The following FRMPD1 variants were observed in gnomAD, a reference collection of about 807,000 sequenced individuals.
FRMPD1 encodes the protein FERM and PDZ domain-containing protein 1.
Under a neutral mutation model 117.8 loss-of-function variants are expected in FRMPD1, and 76 were observed. That is an observed-to-expected ratio of 0.65 (90% CI 0.54 to 0.78). The LOEUF (loss-of-function observed/expected upper bound fraction) is 0.78. Ranked by LOEUF, FRMPD1 falls within the 30% of genes least tolerant of loss-of-function variation. The probability of loss-of-function intolerance (pLI) is 0.00; values close to 1 mark genes in which losing one functional copy is unlikely to be tolerated. For synonymous variants in FRMPD1, 783 were observed against 770.4 expected, an observed-to-expected ratio of 1.02 and a Z score of -0.27; for missense variants, 1,786 against 1,964.5, an observed-to-expected ratio of 0.91 and a Z score of 1.72.
In FRMPD1 at chr9:37,740,099, G is replaced by T; in HGVS notation, c.1571G>T (p.Ser524Ile). 6.2e-7 allele frequency: 1 copy of T among 1,606,390 alleles called. No individual in the cohort carries two copies. Among genetic ancestry groups the T allele is most frequent in the Non-Finnish European group, 8.5e-7 (1 of 1,176,480 alleles). ...AEEGYESRACSDSEESSEVDC... is the reference protein window; with the variant it reads ...AEEGYESRACIDSEESSEVDC... ...GCAGGCTATGAATCCAGGGCCTGCA[G>T]TGACTCAGAGGAGTCCTCTGAGGTG... Residue 524 changes from serine to isoleucine, a missense_variant, in exon 15 of 16, where the codon AGT (serine) becomes ATT (isoleucine). Physicochemically the swap from Ser to Ile is moderately radical, Grantham distance 142. Transcript: ENST00000377765. This position sits in a 1 kb window ranked among gnomAD's most constrained non-coding sequence, Gnocchi z 4.2.
Position 37,719,093 on chromosome 9 carries a change from A to G in FRMPD1, c.433A>G (p.Thr145Ala). The G allele has an allele frequency of 6.2e-7, 1 of 1,612,838 alleles. No individual in the cohort carries two copies. The highest frequency in any genetic ancestry group is 2.2e-5 in the East Asian group (1 of 44,882). Reference protein sequence around the residue: ...TSGVPKSSFLTEEKRARLKTN... With the variant: ...TSGVPKSSFLAEEKRARLKTN... ...GGGAGTCCCTAAATCGTCCTTCCTG[A>G]CCGAGGAGAAGAGAGCCAGACTGAA... is the stretch of plus-strand genomic sequence containing the variant. Residue 145 changes from threonine (T) to alanine (A), a missense_variant, in exon 6 of 16, where the codon ACC (threonine) becomes GCC (alanine). By Grantham distance (58) the Thr-to-Ala change is moderately conservative. Coordinates refer to ENST00000377765, the MANE Select transcript of FRMPD1 (RefSeq NM_014907.3).
the FRMPD1 span, among the ~76,000 whole-genome samples, chr9:37,629,140 A>C: frequency 6.6e-6 from 1 of 152,120 alleles, no homozygotes; most frequent in African/African-American, 2.4e-5. Context: ...CGGAGGTTGC[A>C]GTGAGCCGAG....
At chr9:37,679,301 A>G (rs2117910425) in intron 1 of FRMPD1, among the ~76,000 whole-genome samples, 2 of 152,366 alleles carry the variant, frequency 1.3e-5, no homozygotes, top group South Asian at 4.1e-4. Context: ...CTTTGAGGTC[A>G]TGTTTCTAAC....
chr9:37,743,598 G>C (rs1200072633), intron 15 of FRMPD1, among the ~76,000 whole-genome samples: 2 of 131,182 alleles, frequency 1.5e-5, no homozygotes, highest in Non-Finnish European at 3.1e-5. Context: ...ATTTGTAGCT[G>C]ATTGGCTGGC....
intron 1 of FRMPD1, among the ~76,000 whole-genome samples, chr9:37,660,621 G>A (rs1230147212): frequency 2.6e-5 from 4 of 152,196 alleles, no homozygotes; most frequent in African/African-American, 9.7e-5. Context: ...ATTTTGACAA[G>A]GCTTGTTTGG....
intron 1 of FRMPD1, among the ~76,000 whole-genome samples, chr9:37,656,852 G>A (rs10973459): frequency 0.053 from 7,994 of 152,046 alleles, 233 homozygotes; most frequent in Non-Finnish European, 0.06. Context: ...CCAGCAGTTA[G>A]AAGTGGTTTG....
chr9:37,707,567 A>G lies in FRMPD1; in HGVS notation c.253A>G (p.Thr85Ala), dbSNP rs767590379. 8 of 1,613,362 alleles carry G rather than the reference A, an allele frequency of 5.0e-6. No homozygotes were observed. The highest frequency in any genetic ancestry group is 1.7e-4 in the Middle Eastern group (1 of 6,056). The change falls in exon 3 of 16, where the codon ACA becomes GCA. Residue 85 changes from threonine (T) to alanine (A), a missense_variant. Transcript: ENST00000377765. Reference sequence around the variant, plus strand: ...CCTTCCCCTTACAGTGGTGGCTGTCACAGCAGGTAGGGGATGACTGGGAAA... The same window carrying G: ...CCTTCCCCTTACAGTGGTGGCTGTCGCAGCAGGTAGGGGATGACTGGGAAA... ...ESLPLTVVAVTAGGSAHGKLF... is the reference protein window; with the variant it reads ...ESLPLTVVAVAAGGSAHGKLF...
At chr9:37,636,746 C>T in the FRMPD1 span, 10 of 1,592,624 alleles carry the variant, frequency 6.3e-6, no homozygotes, top group South Asian at 2.3e-5. Context: ...GAGATTGGGC[C>T]GCTCGCCCCC....
At chr9:37,691,022 A>G (rs908754656) in intron 1 of FRMPD1, among the ~76,000 whole-genome samples, 7 of 152,236 alleles carry the variant, frequency 4.6e-5, no homozygotes, top group African/African-American at 1.4e-4. Context: ...CTCTGTTGCA[A>G]TGGAAATTAA....
the FRMPD1 span, among the ~76,000 whole-genome samples, chr9:37,634,768 T>C: frequency 6.6e-6 from 1 of 151,842 alleles, no homozygotes; most frequent in African/African-American, 2.4e-5. Context: ...CTTCTTCTTT[T>C]TTTTTTTTAA....
chr9:37,639,696 C>T, the FRMPD1 span, among the ~76,000 whole-genome samples: 1 of 152,216 alleles, frequency 6.6e-6, no homozygotes, highest in South Asian at 2.1e-4. Flanking sequence ...TATGCACTTC[C>T]CAGGACACTA....
the FRMPD1 span, among the ~76,000 whole-genome samples, chr9:37,632,022 G>T: frequency 6.6e-6 from 1 of 152,110 alleles, no homozygotes; most frequent in Non-Finnish European, 1.5e-5. Context: ...ATAAAAAGAA[G>T]AAAAATTGCT....
intron 1 of FRMPD1, among the ~76,000 whole-genome samples, chr9:37,665,239 A>C (rs1821126309): frequency 6.6e-6 from 1 of 152,248 alleles, no homozygotes; most frequent in African/African-American, 2.4e-5. Flanking sequence ...GTAATTAGCA[A>C]CTTATAGCTT....
intron 2 of FRMPD1, among the ~76,000 whole-genome samples, chr9:37,699,169 G>C (rs564216770): frequency 1.3e-5 from 2 of 151,730 alleles, no homozygotes; most frequent in South Asian, 4.2e-4. Context: ...ACCGTGACCA[G>C]CCTCATTACC....
At chr9:37,719,416 G>C (rs1823297810) in intron 6 of FRMPD1, among the ~76,000 whole-genome samples, 1 of 152,192 alleles carries the variant, frequency 6.6e-6, no homozygotes, top group Non-Finnish European at 1.5e-5. Flanking sequence ...GCCCTCTATT[G>C]TTCTGTGACT....
At chr9:37,713,143 A>G (rs889241179) in intron 5 of FRMPD1, among the ~76,000 whole-genome samples, 1 of 152,172 alleles carries the variant, frequency 6.6e-6, no homozygotes, top group East Asian at 1.9e-4. Context: ...AAGTATATCA[A>G]AGTGAGACTT....
the FRMPD1 span, among the ~76,000 whole-genome samples, chr9:37,626,467 T>A: frequency 7.1e-6 from 1 of 140,634 alleles, no homozygotes; most frequent in Non-Finnish European, 1.5e-5. Context: ...ATTGTGCCAC[T>A]GCACTCCAGC....
chr9:37,728,796 C>G (rs1823726496), intron 7 of FRMPD1, among the ~76,000 whole-genome samples: 1 of 151,930 alleles, frequency 6.6e-6, no homozygotes, highest in East Asian at 1.9e-4. Flanking sequence ...AACTCCATCT[C>G]TACTAAAAAT....
Position 37,746,198 on chromosome 9 carries a change from C to A in FRMPD1, c.4166C>A (p.Thr1389Asn), listed in dbSNP as rs1033297589. Residue 1389 changes from threonine to asparagine, a missense_variant, in exon 16 of 16, where the codon ACC (threonine) becomes AAC (asparagine). Coordinates refer to ENST00000377765, the MANE Select transcript of FRMPD1 (RefSeq NM_014907.3). ...PWRPARAHSCTTAPLSRKSHI... is the reference protein window; with the variant it reads ...PWRPARAHSCNTAPLSRKSHI... ...AGGCCTGCCCGAGCCCACAGCTGCA[C>A]CACCGCACCCCTGTCGAGGAAAAGC... The A allele has an allele frequency of 3.1e-6, 5 of 1,613,118 alleles. No individual in the cohort carries two copies. The African/African-American group carries it at 6.7e-5, about 22-fold the overall frequency.
Sources: allele counts gnomAD v4.1 joint callset (sites outside exome capture counted in the v4.1 genomes callset), GRCh38; gene constraint gnomAD v4.1.1; non-coding constraint Gnocchi (gnomAD v3.1); transcripts MANE v1.5; gene names NCBI Gene and HGNC (gene_info 2026-07-23, HGNC 2026-07-21).